SCTR: variants seen among roughly 807,000 people sequenced by gnomAD.
SCTR encodes secretin receptor.
Under a neutral mutation model 60.8 loss-of-function variants are expected in SCTR, and 56 were observed. The ratio of observed to expected loss-of-function variants is 0.92; its 90% confidence interval spans 0.74 to 1.15. The LOEUF (loss-of-function observed/expected upper bound fraction) is 1.15, where lower values mean the gene tolerates loss of function less well. SCTR is among the 50% of genes most tolerant of loss of function. The pLI, the probability that SCTR is intolerant of heterozygous loss-of-function variation, is 0.00. For missense variants in SCTR, 562 were observed against 550.4 expected, an observed-to-expected ratio of 1.02 and a Z score of -0.21; for synonymous variants, 202 against 217.0, an observed-to-expected ratio of 0.93 and a Z score of 0.61.
Position 119,446,866 on chromosome 2 carries a change from G to A in SCTR, c.1033C>T (p.Leu345Phe), listed in dbSNP as rs371863937. 3 of 1,561,688 alleles carry A rather than the reference G, an allele frequency of 1.9e-6. No individual in the cohort carries two copies. The highest frequency in any genetic ancestry group is 2.8e-5 in the African/African-American group (2 of 72,650). The change falls in exon 11 of 13, where the codon CTC (leucine) becomes TTC (phenylalanine). Residue 345 changes from leucine to phenylalanine, a missense_variant. Coordinates refer to ENST00000019103, the MANE Select transcript of SCTR (RefSeq NM_002980.3). ...SHYKRLARST[L>F]LLIPLFGIHY... is the part of the protein sequence containing the mutation. ...ATGCCAAAGAGGGGGATCAGCAGGA[G>A]AGTGGACCTGGCCAGGCGCCTGGGG...
chr2:119,453,479 C>T, intron 7 of SCTR, 132 bp from the exon 8 acceptor site: 3 of 708,874 alleles, frequency 4.2e-6, no homozygotes, highest in Non-Finnish European at 7.5e-6. Context: ...CACAGAAACC[C>T]CTCTGCCATC....
chr2:119,440,480 G>T, intron 12 of SCTR, among the ~76,000 whole-genome samples: 1 of 152,206 alleles, frequency 6.6e-6, no homozygotes, highest in Non-Finnish European at 1.5e-5. Context: ...TCATTACATC[G>T]TGTCTTAAAG....
chr2:119,510,983 G>A lies in SCTR; in HGVS notation c.72+13172C>T, dbSNP rs573566839. Reference sequence around the variant, plus strand: ...GAGGCTGAGGCGGGCAGATCACAAGGTCAAGAGATGGAGACCATCCTGGCT... The same window carrying A: ...GAGGCTGAGGCGGGCAGATCACAAGATCAAGAGATGGAGACCATCCTGGCT... On this transcript the variant is annotated intron_variant, in intron 1 of 12. Coordinates refer to ENST00000019103, the MANE Select transcript of SCTR (RefSeq NM_002980.3). Among the ~76,000 whole-genome samples the A allele has an allele frequency of 2.0e-5, 3 of 152,018 alleles. No homozygotes were observed. The South Asian group carries it at 6.3e-4, about 32-fold the overall frequency.
At chr2:119,469,774 T>G (rs1676918144) in intron 4 of SCTR, among the ~76,000 whole-genome samples, 1 of 151,896 alleles carries the variant, frequency 6.6e-6, no homozygotes, top group South Asian at 2.1e-4. Context: ...ACTACAGGCA[T>G]GAGCCACCAC....
chr2:119,458,160 G>T (rs1683448692), intron 7 of SCTR, among the ~76,000 whole-genome samples: 1 of 151,970 alleles, frequency 6.6e-6, no homozygotes. Flanking sequence ...ATAAAAATTA[G>T]CTAGGTACAG....
chr2:119,519,864 A>G (rs1679237294), intron 1 of SCTR, among the ~76,000 whole-genome samples: 1 of 151,408 alleles, frequency 6.6e-6, no homozygotes, highest in African/African-American at 2.4e-5. Flanking sequence ...AAAAAAAAGA[A>G]AAAAAAACAA....
At chr2:119,514,803 G>A (rs1010557406) in intron 1 of SCTR, among the ~76,000 whole-genome samples, 14 of 152,068 alleles carry the variant, frequency 9.2e-5, no homozygotes, top group African/African-American at 2.7e-4. Context: ...TCTTGAACCC[G>A]GGAGGCAGAG....
At chr2:119,474,052 G>T (rs1677154943) in intron 3 of SCTR, among the ~76,000 whole-genome samples, 1 of 152,328 alleles carries the variant, frequency 6.6e-6, no homozygotes, top group Middle Eastern at 3.4e-3. Context: ...CTCACGGAAG[G>T]GTGGAGGGTC....
intron 1 of SCTR, among the ~76,000 whole-genome samples, chr2:119,496,966 G>C (rs1678374851): frequency 6.6e-6 from 1 of 152,202 alleles, no homozygotes; most frequent in African/African-American, 2.4e-5. Context: ...GGCAGTGCCA[G>C]AGAGGCCAAA....
chr2:119,445,312 T>C (rs1682885226), intron 11 of SCTR, among the ~76,000 whole-genome samples: 1 of 152,046 alleles, frequency 6.6e-6, no homozygotes, highest in African/African-American at 2.4e-5. Context: ...AGAGCAGTGG[T>C]GAGGAAAGCT....
intron 1 of SCTR, among the ~76,000 whole-genome samples, chr2:119,519,688 C>T (rs924629907): frequency 1.3e-5 from 2 of 151,714 alleles, no homozygotes; most frequent in Non-Finnish European, 2.9e-5. Flanking sequence ...TGCCTGTAGT[C>T]CCAGCTACTC....
At chr2:119,451,980 T>A in intron 9 of SCTR, 30 bp downstream of exon 9, 1 of 1,426,754 alleles carries the variant, frequency 7.0e-7, no homozygotes, top group Non-Finnish European at 9.9e-7. Context: ...CTCCCACTGA[T>A]CCCCAGCTAG....
At chr2:119,457,964 A>G (rs1683438405) in intron 7 of SCTR, among the ~76,000 whole-genome samples, 2 of 152,204 alleles carry the variant, frequency 1.3e-5, no homozygotes, top group South Asian at 2.1e-4. Flanking sequence ...TATTTAAACC[A>G]AGTACATGAA....
intron 1 of SCTR, among the ~76,000 whole-genome samples, chr2:119,519,030 T>C (rs1435836439): frequency 1.3e-5 from 2 of 152,238 alleles, no homozygotes; most frequent in East Asian, 3.9e-4. Context: ...TACAATGGCA[T>C]GATCTCAGCT....
At chr2:119,521,061 A>G (rs1464190181) in intron 1 of SCTR, among the ~76,000 whole-genome samples, 1 of 152,210 alleles carries the variant, frequency 6.6e-6, no homozygotes, top group Non-Finnish European at 1.5e-5. Context: ...TGTACAATGC[A>G]CAGGACAGCT....
intron 1 of SCTR, among the ~76,000 whole-genome samples, chr2:119,501,933 T>A (rs1266148268): frequency 6.6e-6 from 1 of 152,176 alleles, no homozygotes; most frequent in African/African-American, 2.4e-5. Flanking sequence ...TATTTCTATA[T>A]ACTTGCAGTG....
chr2:119,459,334 G>A (rs1008526816), intron 7 of SCTR, among the ~76,000 whole-genome samples: 1 of 151,830 alleles, frequency 6.6e-6, no homozygotes, highest in Non-Finnish European at 1.5e-5. Flanking sequence ...GCTATGTGAG[G>A]AAAAACTGCA....
In SCTR at chr2:119,524,463, C is replaced by T; in HGVS notation, c.-237G>A. 2 of 354,304 alleles carry T rather than the reference C, an allele frequency of 5.6e-6. No homozygotes were observed. Among genetic ancestry groups the T allele is most frequent in the Non-Finnish European group, 1.0e-5 (2 of 198,396 alleles). The allele number at this position is 354,304 out of a possible 1,614,324, so 21.9% of individuals were successfully genotyped here. A position where few individuals can be genotyped will look rare whatever the true frequency, so the allele number is the denominator to read the frequency against. On this transcript the variant is annotated 5_prime_UTR_variant, in exon 1 of 13. Coordinates refer to ENST00000019103, the MANE Select transcript of SCTR (RefSeq NM_002980.3). ...TCAGGACGCGGCTTTGCCGGCGCGC[C>T]TCCTCCACCCGGCAGGGACTGGCGC...
At position 119,440,141 on chromosome 2, in the gene SCTR, GC is replaced by G; in HGVS notation, c.1298del (p.Gly433AlafsTer47). ...CTCAGATGATGCTGGTCCTGCAGGT[GC>G]CCTGGCTCTGCTCCAAGTGGCTGGC... is the stretch of plus-strand genomic sequence containing the variant. ...TKASHLEQSQ[G>X]TCRTSII On this transcript the variant is annotated frameshift_variant, in exon 13 of 13. Coordinates refer to ENST00000019103, the MANE Select transcript of SCTR (RefSeq NM_002980.3). LOFTEE classifies it high-confidence loss of function. 6.2e-7 allele frequency: 1 copy of G among 1,613,996 alleles called. No homozygotes were observed.
Sources: allele counts gnomAD v4.1 joint callset (sites outside exome capture counted in the v4.1 genomes callset), GRCh38; gene constraint gnomAD v4.1.1; transcripts MANE v1.5; gene names NCBI Gene and HGNC (gene_info 2026-07-23, HGNC 2026-07-21).